Variants in CADM2 observed in about 807,000 individuals in gnomAD.
CADM2 encodes cell adhesion molecule 2, also known as immunoglobulin superfamily member 4D.
In CADM2, 12 loss-of-function variants were observed where a neutral mutation model predicts 49.8. That is an observed-to-expected ratio of 0.24 (90% CI 0.15 to 0.39). The LOEUF (loss-of-function observed/expected upper bound fraction) is 0.39. CADM2 is among the 10% of genes least tolerant of loss of function. The pLI, the probability that CADM2 is intolerant of heterozygous loss-of-function variation, is 1.00. For synonymous variants in CADM2, 214 were observed against 175.4 expected, an observed-to-expected ratio of 1.22 and a Z score of -1.74; for missense variants, 378 against 492.3, an observed-to-expected ratio of 0.77 and a Z score of 2.20.
rs2032445599 is a variant in CADM2, at chr3:84,984,676, A to C, written c.61+25008A>C. On this transcript the variant is annotated intron_variant, in intron 1 of 9. Transcript: ENST00000383699. Reference sequence around the variant, plus strand: ...TACAGGACCACTCTTTTCAATACTAATTAAAGAACAAACTATTTAGTTTGA... The same window carrying C: ...TACAGGACCACTCTTTTCAATACTACTTAAAGAACAAACTATTTAGTTTGA... Among the ~76,000 whole-genome samples, 5 of 152,092 alleles carry C rather than the reference A, an allele frequency of 3.3e-5. No individual in the cohort carries two copies. In the South Asian group the frequency reaches 1.0e-3, roughly 31 times the overall value.
At chr3:85,030,546 C>G (rs781150950) in intron 1 of CADM2, among the ~76,000 whole-genome samples, 1 of 152,136 alleles carries the variant, frequency 6.6e-6, no homozygotes, top group Non-Finnish European at 1.5e-5. Context: ...ACTTTTGAGC[C>G]ATCTTCTGCT....
intron 1 of CADM2, among the ~76,000 whole-genome samples, chr3:85,194,627 G>A (rs1013839): frequency 0.67 from 102,107 of 151,800 alleles, 35,209 homozygotes; most frequent in African/African-American, 0.82. Flanking sequence ...GGAGGCAGAG[G>A]GAAGATAAAT....
intron 1 of CADM2, among the ~76,000 whole-genome samples, chr3:85,583,324 T>C (rs2062849563): frequency 6.6e-6 from 1 of 152,120 alleles, no homozygotes; most frequent in African/African-American, 2.4e-5. Flanking sequence ...TTTCCTAGGT[T>C]GCCAAAGGCG....
At chr3:85,902,619 T>G (rs529842759) in intron 5 of CADM2, among the ~76,000 whole-genome samples, 45 of 151,742 alleles carry the variant, frequency 3.0e-4, no homozygotes, top group Middle Eastern at 5.9e-3. Context: ...TTCATGTCAT[T>G]TTTGTTTTAT....
chr3:85,345,568 T>C (rs1353383354), intron 1 of CADM2, among the ~76,000 whole-genome samples: 1 of 152,024 alleles, frequency 6.6e-6, no homozygotes, highest in Non-Finnish European at 1.5e-5. Flanking sequence ...AAAACCAATA[T>C]TGTGGAACTT....
rs1731830855 is a variant in CADM2 at position 86,013,645 on chromosome 3, A to G, written c.971-51960A>G. On this transcript the variant is annotated intron_variant, in intron 8 of 9. Coordinates refer to ENST00000383699, the MANE Select transcript of CADM2 (RefSeq NM_001167675.2). ...TCCATTATCACTGACGATGTAGTGGACATAGCAGGGGAAGAGCACCTAACT... is the reference window on the plus strand; with the variant it reads ...TCCATTATCACTGACGATGTAGTGGGCATAGCAGGGGAAGAGCACCTAACT... 1.2e-5 allele frequency: 19 copies of G among 1,602,892 alleles called. 1 individual carries two copies. In the South Asian group the frequency reaches 2.1e-4, roughly 18 times the overall value.
At chr3:85,883,166 A>G in intron 3 of CADM2, 125 bp from the exon 4 acceptor site, 1 of 728,824 alleles carries the variant, frequency 1.4e-6, no homozygotes, top group Non-Finnish European at 2.1e-6. Context: ...AAACTGTTCC[A>G]AGAAATAAGA....
intron 1 of CADM2, among the ~76,000 whole-genome samples, chr3:85,427,642 T>C (rs1379657582): frequency 6.6e-6 from 1 of 152,112 alleles, no homozygotes; most frequent in African/African-American, 2.4e-5. Context: ...AGCTATATTA[T>C]CAAATCATCC....
chr3:85,479,692 G>C (rs546865065), intron 1 of CADM2, among the ~76,000 whole-genome samples: 6 of 152,018 alleles, frequency 3.9e-5, no homozygotes, highest in African/African-American at 1.4e-4. Flanking sequence ...CTAGAAGAAA[G>C]ACTTGTCAGA....
At chr3:85,611,955 A>C (rs1232480465) in intron 1 of CADM2, among the ~76,000 whole-genome samples, 1 of 151,966 alleles carries the variant, frequency 6.6e-6, no homozygotes, top group South Asian at 2.1e-4. Flanking sequence ...TAACTTCTCC[A>C]GGAAGAAGAA....
At chr3:85,341,181 A>T (rs1286750301) in intron 1 of CADM2, among the ~76,000 whole-genome samples, 1 of 151,750 alleles carries the variant, frequency 6.6e-6, no homozygotes, top group Non-Finnish European at 1.5e-5. Flanking sequence ...CACTAAGCAT[A>T]TTTGTTTAAT....
intron 3 of CADM2, among the ~76,000 whole-genome samples, chr3:85,866,719 C>T (rs530897080): frequency 2.6e-5 from 4 of 151,872 alleles, no homozygotes; most frequent in Non-Finnish European, 5.9e-5. Flanking sequence ...TTCAATTTTA[C>T]GTGTTCTTCT....
intron 1 of CADM2, among the ~76,000 whole-genome samples, chr3:85,000,114 TTCTCTCTCTC>T (rs59094520): frequency 3.7e-4 from 50 of 136,908 alleles, no homozygotes; most frequent in African/African-American, 1.2e-3. Flanking sequence ...TGCTTCTACT[TTCTCTCTCTC>T]TCTCTCTCTC....
At chr3:85,363,235 T>C (rs1173933582) in intron 1 of CADM2, among the ~76,000 whole-genome samples, 1 of 152,220 alleles carries the variant, frequency 6.6e-6, no homozygotes, top group Non-Finnish European at 1.5e-5. Context: ...GGTCATTTCA[T>C]AGTGTGCGTA....
Position 85,853,492 on chromosome 3 carries a change from A to G in CADM2, c.239-29799A>G, listed in dbSNP as rs556869441. On this transcript the variant is annotated intron_variant, in intron 3 of 9. Coordinates refer to ENST00000383699, the MANE Select transcript of CADM2 (RefSeq NM_001167675.2). ...TATCAAATTATAAAATAAACTAATA[A>G]TTATCTTACCTTGGTTTATTAAATT... Among the ~76,000 whole-genome samples the G allele has an allele frequency of 8.6e-4, 131 of 152,218 alleles. 2 individuals carry two copies. The highest frequency in any genetic ancestry group is 1.7e-3 in the South Asian group (8 of 4,834).
At chr3:85,767,921 T>A (rs1559642664) in intron 2 of CADM2, among the ~76,000 whole-genome samples, 1 of 152,100 alleles carries the variant, frequency 6.6e-6, no homozygotes, top group Admixed American at 6.6e-5. Flanking sequence ...ATCTAACCTT[T>A]TGCATCTGTT....
chr3:85,008,007 T>G (rs1158167885), intron 1 of CADM2, among the ~76,000 whole-genome samples: 1 of 152,164 alleles, frequency 6.6e-6, no homozygotes, highest in East Asian at 1.9e-4. Context: ...AGTTCATAAT[T>G]CATAAATATT....
intron 1 of CADM2, among the ~76,000 whole-genome samples, chr3:85,541,759 A>AT (rs2061548751): frequency 1.1e-4 from 3 of 27,970 alleles, no homozygotes; most frequent in African/African-American, 1.2e-4. Context: ...TATATTTTAT[A>AT]TATATATTTT....
chr3:85,190,592 C>A (rs1341408071), intron 1 of CADM2, among the ~76,000 whole-genome samples: 2 of 151,950 alleles, frequency 1.3e-5, no homozygotes, highest in African/African-American at 4.8e-5. Context: ...CACACAAAAT[C>A]AATATTTGCT....
Sources: allele counts gnomAD v4.1 joint callset (sites outside exome capture counted in the v4.1 genomes callset), GRCh38; gene constraint gnomAD v4.1.1; transcripts MANE v1.5; gene names NCBI Gene and HGNC (gene_info 2026-07-23, HGNC 2026-07-21).